Variants in GOLGA5 observed in about 807,000 individuals in gnomAD.
GOLGA5 encodes golgin A5, also known as golgin subfamily A member 5.
Under a neutral mutation model 93.5 loss-of-function variants are expected in GOLGA5, and 50 were observed. The observed-to-expected ratio is 0.53, with a 90% confidence interval of 0.43 to 0.68. GOLGA5 has a LOEUF of 0.68. Ranked by LOEUF, GOLGA5 falls within the 30% of genes least tolerant of loss-of-function variation. The pLI, the probability that GOLGA5 is intolerant of heterozygous loss-of-function variation, is 0.00. For missense variants in GOLGA5, 760 were observed against 856.4 expected, an observed-to-expected ratio of 0.89 and a Z score of 1.40; for synonymous variants, 312 against 304.5, an observed-to-expected ratio of 1.02 and a Z score of -0.26.
chr14:92,827,673 T>C (rs1294113057), intron 9 of GOLGA5, among the ~76,000 whole-genome samples: 1 of 152,196 alleles, frequency 6.6e-6, no homozygotes, highest in East Asian at 1.9e-4. Flanking sequence ...AGAAGGCATG[T>C]CAAAAGGCAA....
intron 7 of GOLGA5, among the ~76,000 whole-genome samples, chr14:92,817,928 G>C (rs535463847): frequency 2.0e-4 from 30 of 152,256 alleles, no homozygotes; most frequent in Admixed American, 7.2e-4. Flanking sequence ...GAAGAGCCTA[G>C]CATTGTTTCT....
intron 2 of GOLGA5, among the ~76,000 whole-genome samples, chr14:92,798,640 G>A (rs145232148): frequency 3.2e-3 from 486 of 152,360 alleles, no homozygotes; most frequent in Middle Eastern, 0.014. Context: ...TATAGGCTGG[G>A]CGTGGTGGCT....
intron 2 of GOLGA5, among the ~76,000 whole-genome samples, chr14:92,799,817 G>A (rs531545625): frequency 6.6e-6 from 1 of 150,958 alleles, no homozygotes; most frequent in East Asian, 2.0e-4. Flanking sequence ...ACGTTGGCCA[G>A]GCTGGTCTTG....
intron 9 of GOLGA5, among the ~76,000 whole-genome samples, chr14:92,828,920 C>T (rs1342847628): frequency 6.6e-6 from 1 of 152,132 alleles, no homozygotes; most frequent in African/African-American, 2.4e-5. Flanking sequence ...CCACCTGCGT[C>T]AGCGTCCCAA....
chr14:92,803,818 T>C (rs1464356097), intron 2 of GOLGA5, among the ~76,000 whole-genome samples: 6 of 152,230 alleles, frequency 3.9e-5, no homozygotes, highest in African/African-American at 1.4e-4. Flanking sequence ...ACCCTGTTTC[T>C]GGCACTGCAC....
rs755317219 is a variant in GOLGA5, at chr14:92,794,412, C to T, written c.-75C>T. ...GGCCAGCCGCCGAGGGGGCGCGGCC[C>T]AGGACGGCGGCTAGGCCGTAGTGCA... On this transcript the variant is annotated 5_prime_UTR_variant, in exon 1 of 13. Transcript: ENST00000163416. The T allele has an allele frequency of 6.6e-6, 1 of 152,352 alleles. No homozygotes were observed. Among genetic ancestry groups the T allele is most frequent in the Non-Finnish European group, 1.5e-5 (1 of 68,136 alleles). 9.4% of individuals were successfully genotyped at this position (152,352 alleles called of 1,614,324 possible).
At position 92,824,646 on chromosome 14, in the gene GOLGA5, T is replaced by TATGA. The variant is rs753152552; in HGVS notation, c.1719+5_1719+8dup. 1 of 1,446,684 alleles carries TATGA rather than the reference T, an allele frequency of 6.9e-7. No homozygotes were observed. Among genetic ancestry groups the TATGA allele is most frequent in the Non-Finnish European group, 9.7e-7 (1 of 1,033,512 alleles). 89.6% of individuals were successfully genotyped at this position (1,446,684 alleles called of 1,614,324 possible). ...GAAATTCAAAAACTCAGGAATCAGGTATGAATCACTATTCACAACTTGTGA... is the reference window on the plus strand; with the variant it reads ...GAAATTCAAAAACTCAGGAATCAGGTATGAATGAATCACTATTCACAACTTGTGA... On this transcript the variant is annotated splice_region_variant and intron_variant, in intron 9 of 12. Coordinates refer to ENST00000163416, the MANE Select transcript of GOLGA5 (RefSeq NM_005113.4).
At chr14:92,796,397 A>G (rs975145868) in intron 1 of GOLGA5, among the ~76,000 whole-genome samples, 31 of 152,174 alleles carry the variant, frequency 2.0e-4, no homozygotes, top group African/African-American at 7.2e-4. Context: ...AGATCAAGGT[A>G]TTGGCAGAGT....
At chr14:92,816,195 T>C in intron 6 of GOLGA5, 56 bp from the exon 7 acceptor site, 1 of 1,164,652 alleles carries the variant, frequency 8.6e-7, no homozygotes, top group Non-Finnish European at 1.3e-6. Context: ...GTAGATGATA[T>C]TCAATATACA....
chr14:92,828,835 A>T (rs1885471391), intron 9 of GOLGA5, among the ~76,000 whole-genome samples: 1 of 151,736 alleles, frequency 6.6e-6, no homozygotes, highest in Admixed American at 6.6e-5. Context: ...CACTGGGCTA[A>T]TTTTTGTATT....
At chr14:92,821,958 T>TCC (rs1411695530) in intron 8 of GOLGA5, among the ~76,000 whole-genome samples, 2 of 152,240 alleles carry the variant, frequency 1.3e-5, no homozygotes, top group Non-Finnish European at 2.9e-5. Context: ...CCGTACCTCT[T>TCC]CCCAGTGCCT....
chr14:92,803,122 A>G (rs565291951), intron 2 of GOLGA5, among the ~76,000 whole-genome samples: 37 of 152,142 alleles, frequency 2.4e-4, no homozygotes, highest in African/African-American at 3.1e-4. Flanking sequence ...TGCAGCCTCA[A>G]TCTCCCAGGC....
At chr14:92,806,279 T>C (rs112127392) in intron 2 of GOLGA5, among the ~76,000 whole-genome samples, 1,710 of 152,312 alleles carry the variant, frequency 0.011, 42 homozygotes, top group African/African-American at 0.038. Context: ...GAATGAAATT[T>C]AATCAGAGGG....
chr14:92,833,330 G>T lies in GOLGA5; in HGVS notation c.1928G>T (p.Gly643Val). ...SSNGSSINMS[G>V]IDNGEGTRLR... ...AATGGGTCTTCGATTAATATGTCTG[G>T]AATTGACAATGGTGAAGGTAATCAA... is the stretch of plus-strand genomic sequence containing the variant. The change falls in exon 10 of 13, where the codon GGA becomes GTA. Residue 643 changes from glycine (G) to valine (V), a missense_variant. Coordinates refer to ENST00000163416, the MANE Select transcript of GOLGA5 (RefSeq NM_005113.4). 1 of 1,601,304 alleles carries T rather than the reference G, an allele frequency of 6.2e-7. No homozygotes were observed. The highest frequency in any genetic ancestry group is 8.6e-7 in the Non-Finnish European group (1 of 1,168,302).
At chr14:92,830,011 T>C (rs1305227595) in intron 9 of GOLGA5, among the ~76,000 whole-genome samples, 1 of 152,116 alleles carries the variant, frequency 6.6e-6, no homozygotes, top group Non-Finnish European at 1.5e-5. Context: ...AAATGATGGT[T>C]AGCATGTTTA....
intron 2 of GOLGA5, 76 bp from the exon 3 acceptor site, chr14:92,806,660 A>G (rs1884992546): frequency 1.3e-5 from 12 of 955,160 alleles, no homozygotes; most frequent in Non-Finnish European, 1.8e-5. Context: ...CAACTTGAGC[A>G]TCCTACCAAA....
chr14:92,804,273 C>T (rs573024991), intron 2 of GOLGA5, among the ~76,000 whole-genome samples: 1 of 151,740 alleles, frequency 6.6e-6, no homozygotes, highest in Admixed American at 6.6e-5. Context: ...ACTGTATTGC[C>T]CGGGCTGGTC....
At chr14:92,824,141 CTATTT>C (rs1566958989) in intron 8 of GOLGA5, among the ~76,000 whole-genome samples, 1 of 152,014 alleles carries the variant, frequency 6.6e-6, no homozygotes, top group African/African-American at 2.4e-5. Flanking sequence ...TGTTTTTAAT[CTATTT>C]TATGAACATT....
intron 7 of GOLGA5, among the ~76,000 whole-genome samples, chr14:92,817,413 C>T (rs1022877861): frequency 1.3e-5 from 2 of 152,126 alleles, no homozygotes; most frequent in African/African-American, 2.4e-5. Flanking sequence ...ATTTGAGCTC[C>T]TATGTGAAGC....
Sources: gnomAD v4.1 joint callset for allele counts (sites outside exome capture counted in the v4.1 genomes callset) on GRCh38, gnomAD v4.1.1 for gene constraint, MANE v1.5 for transcripts, NCBI Gene and HGNC (gene_info 2026-07-23, HGNC 2026-07-21) for gene names.